MIB1: variants seen among roughly 807,000 people sequenced by gnomAD.
MIB1 encodes the protein MIB E3 ubiquitin protein ligase 1.
A neutral mutation model predicts 124.5 loss-of-function variants in MIB1; 278 were observed. The observed-to-expected ratio is 2.23, with a 90% confidence interval of 2.02 to 2.47. MIB1 has a LOEUF of 2.47. Among genes scored for constraint, MIB1 ranks in the 30% most tolerant of loss-of-function variants. The pLI, the probability that MIB1 is intolerant of heterozygous loss-of-function variation, is 0.00. For missense variants in MIB1, 957 were observed against 1,254.4 expected, an observed-to-expected ratio of 0.76 and a Z score of 3.58; for synonymous variants, 446 against 429.4, an observed-to-expected ratio of 1.04 and a Z score of -0.48.
chr18:21,842,172 A>G (rs1194992680), intron 13 of MIB1, among the ~76,000 whole-genome samples: 3 of 151,750 alleles, frequency 2.0e-5, no homozygotes, highest in Admixed American at 6.6e-5. Flanking sequence ...AAGAAACATA[A>G]TAAAAACAAA....
chr18:21,781,253 T>C (rs2041358355), intron 6 of MIB1, among the ~76,000 whole-genome samples: 2 of 150,538 alleles, frequency 1.3e-5, no homozygotes, highest in African/African-American at 4.9e-5. Context: ...ATTTGTTCTT[T>C]AAATGTTTGG....
intron 8 of MIB1, 81 bp from the exon 9 acceptor site, chr18:21,799,760 G>A: frequency 7.8e-7 from 1 of 1,288,646 alleles, no homozygotes; most frequent in Non-Finnish European, 1.1e-6. Flanking sequence ...AAAGATTATA[G>A]AAATATTGGG....
At chr18:21,845,952 C>T (rs1200021683) in intron 15 of MIB1, among the ~76,000 whole-genome samples, 1 of 152,130 alleles carries the variant, frequency 6.6e-6, no homozygotes, top group East Asian at 1.9e-4. Context: ...ACTGAATTGC[C>T]AGTATACTTT....
At chr18:21,815,016 TATATA>T in intron 10 of MIB1, among the ~76,000 whole-genome samples, 1 of 19,900 alleles carries the variant, frequency 5.0e-5, no homozygotes, top group Non-Finnish European at 1.0e-4. Flanking sequence ...TGGTTTTATA[TATATA>T]TATATATATA....
chr18:21,754,231 A>G (rs1469669607), intron 1 of MIB1, among the ~76,000 whole-genome samples: 1 of 152,140 alleles, frequency 6.6e-6, no homozygotes, highest in Non-Finnish European at 1.5e-5. Context: ...TCAGTATTTG[A>G]TTTTAGTTTG....
At chr18:21,824,738 G>A (rs998878953) in intron 12 of MIB1, among the ~76,000 whole-genome samples, 9 of 152,060 alleles carry the variant, frequency 5.9e-5, no homozygotes, top group South Asian at 2.1e-4. Context: ...AGTTGAGAAT[G>A]TGTGAACATC....
intron 1 of MIB1, among the ~76,000 whole-genome samples, chr18:21,735,113 ACAGCTCCCGTCTG>A (rs915575550): frequency 1.3e-5 from 2 of 152,322 alleles, no homozygotes; most frequent in African/African-American, 4.8e-5. Flanking sequence ...CCAAATAGGA[ACAGCTCCCGTCTG>A]CAGCTCCCAG....
intron 6 of MIB1, among the ~76,000 whole-genome samples, chr18:21,781,819 A>C (rs1353408708): frequency 1.3e-5 from 2 of 152,012 alleles, no homozygotes; most frequent in African/African-American, 2.4e-5. Context: ...TGTTCATGAT[A>C]TTCTGTCATG....
chr18:21,727,983 CTG>C (rs2040750458), intron 1 of MIB1, among the ~76,000 whole-genome samples: 1 of 152,152 alleles, frequency 6.6e-6, no homozygotes, highest in East Asian at 1.9e-4. Flanking sequence ...CCCAGCTAAG[CTG>C]TGTCTGGAGT....
At chr18:21,721,166 T>G (rs1485361933) in intron 1 of MIB1, among the ~76,000 whole-genome samples, 62 of 90,346 alleles carry the variant, frequency 6.9e-4, no homozygotes, top group Non-Finnish European at 1.1e-3. Flanking sequence ...GAAGTTTTTT[T>G]TTTTTTTTTT....
chr18:21,746,126 A>G (rs985308119), intron 1 of MIB1, among the ~76,000 whole-genome samples: 2 of 152,230 alleles, frequency 1.3e-5, no homozygotes, highest in African/African-American at 2.4e-5. Context: ...AGTTCCACCT[A>G]TATTATATGA....
At chr18:21,726,377 AC>A (rs1423950149) in intron 1 of MIB1, among the ~76,000 whole-genome samples, 1 of 152,084 alleles carries the variant, frequency 6.6e-6, no homozygotes, top group Non-Finnish European at 1.5e-5. Flanking sequence ...ACATAGCAAG[AC>A]CCCATCTCTA....
intron 6 of MIB1, among the ~76,000 whole-genome samples, chr18:21,786,389 G>A (rs558908792): frequency 3.9e-4 from 60 of 152,262 alleles, no homozygotes; most frequent in African/African-American, 1.4e-3. Context: ...GAGCCGCTGC[G>A]CCCAGCTCTA....
intron 1 of MIB1, among the ~76,000 whole-genome samples, chr18:21,735,119 C>A (rs1452830947): frequency 6.6e-6 from 1 of 152,174 alleles, no homozygotes; most frequent in Non-Finnish European, 1.5e-5. Flanking sequence ...AGGAACAGCT[C>A]CCGTCTGCAG....
Position 21,846,951 on chromosome 18 carries a change from T to C in MIB1, c.2219T>C (p.Met740Thr), listed in dbSNP as rs1374043604. The C allele has an allele frequency of 6.2e-7, 1 of 1,612,616 alleles. No individual in the cohort carries two copies. Among genetic ancestry groups the C allele is most frequent in the Non-Finnish European group, 8.5e-7 (1 of 1,179,372 alleles). The change falls in exon 16 of 21, where the codon ATG (methionine) becomes ACG (threonine). Residue 740 changes from methionine (M) to threonine (T), a missense_variant. Coordinates refer to ENST00000261537, the MANE Select transcript of MIB1 (RefSeq NM_020774.4). ...CTCTTTATTTTATTGCAGTTAATAA[T>C]GGGACTTGGTACCCAGGGGGCAGAG... ...AWEPSKNTLIMGLGTQGAEKK... is the reference protein window; with the variant it reads ...AWEPSKNTLITGLGTQGAEKK...
chr18:21,734,948 C>T (rs2040789448), intron 1 of MIB1, among the ~76,000 whole-genome samples: 1 of 152,220 alleles, frequency 6.6e-6, no homozygotes, highest in African/African-American at 2.4e-5. Flanking sequence ...GAACTCCATG[C>T]AGTTTTTTCA....
chr18:21,840,661 ATATATTTTTT>A (rs1343227405), intron 13 of MIB1, among the ~76,000 whole-genome samples: 3 of 1,918 alleles, frequency 1.6e-3, no homozygotes, highest in Admixed American at 8.2e-3. Context: ...ATATATATAT[ATATATTTTTT>A]TTTTTTTTTA....
chr18:21,766,530 G>A (rs181221112), intron 2 of MIB1, among the ~76,000 whole-genome samples: 8 of 152,230 alleles, frequency 5.3e-5, no homozygotes, highest in African/African-American at 1.7e-4. Context: ...TAGGTAATGG[G>A]ATCTTCTCAT....
intron 1 of MIB1, among the ~76,000 whole-genome samples, chr18:21,723,034 T>G (rs2040722441): frequency 6.6e-6 from 1 of 152,208 alleles, no homozygotes; most frequent in African/African-American, 2.4e-5. Flanking sequence ...ATATATTATT[T>G]GGAATTCTTT....
Sources: allele counts gnomAD v4.1 joint callset (sites outside exome capture counted in the v4.1 genomes callset), GRCh38; gene constraint gnomAD v4.1.1; transcripts MANE v1.5; gene names NCBI Gene and HGNC (gene_info 2026-07-23, HGNC 2026-07-21).